The following CCDC178 variants were observed in gnomAD, a reference collection of about 807,000 sequenced individuals.
The protein encoded by CCDC178 is coiled-coil domain containing 178.
CCDC178 carries 126 observed loss-of-function variants against 117.4 expected under a neutral mutation model. The ratio of observed to expected loss-of-function variants is 1.07; its 90% CI spans 0.93 to 1.24. The LOEUF (loss-of-function observed/expected upper bound fraction) is 1.24, where lower values mean the gene tolerates loss of function less well. Ranked by LOEUF, CCDC178 falls within the 50% of genes most tolerant of loss-of-function variation. The pLI is 0.00. For synonymous variants in CCDC178, 283 were observed against 313.4 expected, an observed-to-expected ratio of 0.90 and a Z score of 1.02; for missense variants, 1,030 against 986.9, an observed-to-expected ratio of 1.04 and a Z score of -0.59.
intron 20 of CCDC178, among the ~76,000 whole-genome samples, chr18:33,095,285 T>C (rs9952466): frequency 0.022 from 3,275 of 152,092 alleles, 121 homozygotes; most frequent in African/African-American, 0.075. Context: ...ATTAGGAAGA[T>C]AGCTTGCTGA....
At chr18:33,149,081 T>C (rs981629496) in intron 20 of CCDC178, among the ~76,000 whole-genome samples, 3 of 152,188 alleles carry the variant, frequency 2.0e-5, no homozygotes, top group African/African-American at 4.8e-5. Context: ...ACTAATTGTG[T>C]AGGCCTCCTG....
intron 20 of CCDC178, chr18:33,135,937 A>G (rs2058120580): frequency 6.6e-6 from 1 of 152,232 alleles, no homozygotes; most frequent in Admixed American, 6.5e-5. Flanking sequence ...TGTCTATTAC[A>G]GCAAACTTGA....
chr18:33,394,695 T>C (rs2063608036), intron 4 of CCDC178, among the ~76,000 whole-genome samples: 1 of 151,576 alleles, frequency 6.6e-6, no homozygotes, highest in Non-Finnish European at 1.5e-5. Context: ...TTGGAATATA[T>C]ATTAAATAGT....
intron 10 of CCDC178, 147 bp downstream of exon 10, chr18:33,333,027 A>G (rs1404150082): frequency 1.0e-5 from 5 of 480,000 alleles, no homozygotes; most frequent in Non-Finnish European, 1.8e-5. Flanking sequence ...ATGAATACCA[A>G]CAGTTGGTAA....
At chr18:33,252,151 C>G (rs2059624970) in intron 14 of CCDC178, among the ~76,000 whole-genome samples, 1 of 151,550 alleles carries the variant, frequency 6.6e-6, no homozygotes, top group African/African-American at 2.4e-5. Context: ...GGAAATAACT[C>G]AATTCTTGGA....
rs148039599 is a variant in CCDC178 at position 33,235,130 on chromosome 18, A to T, written c.1594-8275T>A. Among the ~76,000 whole-genome samples, 666 of 152,246 alleles carry T rather than the reference A, an allele frequency of 4.4e-3. 2 individuals are homozygous for T. Among genetic ancestry groups the T allele is most frequent in the Non-Finnish European group, 7.1e-3 (483 of 67,996 alleles). ...AGGTGAACAAATAGTAGTTGAAGGG[A>T]GGTCTGAGAACATAAAGAACAGTTT... On this transcript the variant is annotated intron_variant, in intron 15 of 22. Transcript: ENST00000383096.
intron 21 of CCDC178, among the ~76,000 whole-genome samples, chr18:33,038,757 T>G (rs931569487): frequency 6.6e-6 from 1 of 151,982 alleles, no homozygotes; most frequent in Non-Finnish European, 1.5e-5. Context: ...ACTGACATCA[T>G]GAAATGGAAT....
intron 5 of CCDC178, among the ~76,000 whole-genome samples, chr18:33,386,745 C>T (rs532860181): frequency 6.6e-6 from 1 of 152,072 alleles, no homozygotes; most frequent in African/African-American, 2.4e-5. Flanking sequence ...TTATCACAAA[C>T]CCACAGTCAA....
chr18:33,245,494 TA>T, intron 14 of CCDC178, 66 bp from the exon 15 acceptor site: 1 of 1,262,250 alleles, frequency 7.9e-7, no homozygotes. Flanking sequence ...TTAATAATAG[TA>T]AAAAAGAATA....
At chr18:32,977,171 C>A (rs2055045525) in intron 21 of CCDC178, among the ~76,000 whole-genome samples, 2 of 152,194 alleles carry the variant, frequency 1.3e-5, no homozygotes, top group African/African-American at 4.8e-5. Context: ...GCTGAGAAAT[C>A]TATATTTTAA....
At chr18:33,424,054 T>A (rs2064076043) in intron 2 of CCDC178, among the ~76,000 whole-genome samples, 1 of 152,228 alleles carries the variant, frequency 6.6e-6, no homozygotes, top group Non-Finnish European at 1.5e-5. Context: ...GTTTAGTTCA[T>A]CTTAAATAAT....
At chr18:33,184,179 C>T (rs1198281898) in intron 20 of CCDC178, among the ~76,000 whole-genome samples, 3 of 152,048 alleles carry the variant, frequency 2.0e-5, no homozygotes, top group Admixed American at 2.0e-4. Context: ...ATGTCAATGA[C>T]TTGTGCACAA....
intron 14 of CCDC178, among the ~76,000 whole-genome samples, chr18:33,257,290 T>C (rs1289174373): frequency 6.6e-6 from 1 of 152,086 alleles, no homozygotes; most frequent in Non-Finnish European, 1.5e-5. Flanking sequence ...CACTTGCTTT[T>C]CTTTCACCCA....
At chr18:32,972,020 T>G (rs747390452) in intron 22 of CCDC178, among the ~76,000 whole-genome samples, 8 of 152,150 alleles carry the variant, frequency 5.3e-5, no homozygotes, top group Non-Finnish European at 1.2e-4. Context: ...GCTCTTTAGT[T>G]TAATTAGATC....
intron 21 of CCDC178, among the ~76,000 whole-genome samples, chr18:32,992,586 C>T (rs1378398833): frequency 2.0e-5 from 3 of 152,106 alleles, no homozygotes; most frequent in Non-Finnish European, 4.4e-5. Context: ...GAAATATTTA[C>T]TATTGCACAG....
chr18:33,101,589 A>G (rs780706771), intron 20 of CCDC178, among the ~76,000 whole-genome samples: 1 of 151,976 alleles, frequency 6.6e-6, no homozygotes, highest in Non-Finnish European at 1.5e-5. Flanking sequence ...TTCTTGGCCC[A>G]TGGGATACAG....
At chr18:33,371,285 G>GTA (rs1223560268) in intron 5 of CCDC178, among the ~76,000 whole-genome samples, 2 of 147,844 alleles carry the variant, frequency 1.4e-5, no homozygotes, top group African/African-American at 4.9e-5. Context: ...GTGTGTGTGT[G>GTA]TATATATGTG....
intron 21 of CCDC178, among the ~76,000 whole-genome samples, chr18:33,017,234 C>A (rs1271885620): frequency 6.6e-6 from 1 of 151,694 alleles, no homozygotes; most frequent in Non-Finnish European, 1.5e-5. Context: ...AATATTAGAA[C>A]CAATGAATGG....
chr18:33,178,120 C>T (rs372184819), intron 20 of CCDC178, among the ~76,000 whole-genome samples: 2 of 152,024 alleles, frequency 1.3e-5, no homozygotes, highest in African/African-American at 4.8e-5. Context: ...TACATCTCTG[C>T]TTAGATGGGA....
Sources: gnomAD v4.1 joint callset for allele counts (sites outside exome capture counted in the v4.1 genomes callset) on GRCh38, gnomAD v4.1.1 for gene constraint, MANE v1.5 for transcripts, NCBI Gene and HGNC (gene_info 2026-07-23, HGNC 2026-07-21) for gene names.